Variants in GABRB1 observed in about 807,000 individuals in gnomAD.
The protein encoded by GABRB1 is gamma-aminobutyric acid receptor subunit beta-1.
A neutral mutation model predicts 51.6 loss-of-function variants in GABRB1; 17 were observed. That is an observed-to-expected ratio of 0.33 (90% CI 0.23 to 0.49). GABRB1 has a LOEUF of 0.49. Among genes scored for constraint, GABRB1 ranks in the 20% least tolerant of loss-of-function variants. GABRB1 has a pLI of 0.99. For synonymous variants in GABRB1, 247 were observed against 218.9 expected, an observed-to-expected ratio of 1.13 and a Z score of -1.14; for missense variants, 410 against 600.6, an observed-to-expected ratio of 0.68 and a Z score of 3.32.
chr4:47,349,263 G>T (rs567151061), intron 5 of GABRB1, among the ~76,000 whole-genome samples: 1 of 152,250 alleles, frequency 6.6e-6, no homozygotes, highest in East Asian at 1.9e-4. Context: ...AAGGAAGATG[G>T]CTTGGGAGGT....
chr4:47,250,420 C>A (rs1721942277), intron 4 of GABRB1, among the ~76,000 whole-genome samples: 1 of 152,174 alleles, frequency 6.6e-6, no homozygotes. Flanking sequence ...AACCTGATGA[C>A]AATGTGCCTA....
intron 5 of GABRB1, among the ~76,000 whole-genome samples, chr4:47,371,970 C>T (rs564093435): frequency 2.2e-4 from 34 of 152,144 alleles, no homozygotes; most frequent in South Asian, 1.9e-3. Context: ...TTTTTGTTTT[C>T]GTTGCAATTG....
intron 3 of GABRB1, among the ~76,000 whole-genome samples, chr4:47,107,654 A>G (rs983329998): frequency 6.6e-6 from 1 of 152,100 alleles, no homozygotes; most frequent in South Asian, 2.1e-4. Flanking sequence ...GTTAGTTGAC[A>G]TATATGAACG....
intron 4 of GABRB1, among the ~76,000 whole-genome samples, chr4:47,294,179 G>A (rs568346960): frequency 9.2e-5 from 14 of 152,280 alleles, no homozygotes; most frequent in Admixed American, 2.6e-4. Flanking sequence ...CATGAGCAAC[G>A]CAGAAGACAG....
chr4:47,178,509 G>GCTCC (rs1718798389), intron 4 of GABRB1, among the ~76,000 whole-genome samples: 1 of 152,060 alleles, frequency 6.6e-6, no homozygotes, highest in Non-Finnish European at 1.5e-5. Flanking sequence ...TGGAGCTAAA[G>GCTCC]AAGAATAAAG....
At chr4:47,175,312 C>A (rs1474504853) in intron 4 of GABRB1, among the ~76,000 whole-genome samples, 2 of 152,054 alleles carry the variant, frequency 1.3e-5, no homozygotes, top group Non-Finnish European at 2.9e-5. Context: ...CTGCCTTGGC[C>A]TCCCCAGATG....
intron 3 of GABRB1, among the ~76,000 whole-genome samples, chr4:47,073,221 C>G (rs1057181322): frequency 1.1e-4 from 17 of 152,144 alleles, no homozygotes; most frequent in African/African-American, 3.9e-4. Flanking sequence ...AGAAGGAAAA[C>G]AGCATAGCCC....
intron 4 of GABRB1, among the ~76,000 whole-genome samples, chr4:47,293,416 G>C (rs1460381081): frequency 6.6e-6 from 1 of 152,158 alleles, no homozygotes; most frequent in Non-Finnish European, 1.5e-5. Flanking sequence ...TGGGATTACA[G>C]GCATGAGCCA....
In GABRB1 at chr4:47,387,620, C is replaced by G. The variant is rs16860188; in HGVS notation, c.545-15698C>G. Among the ~76,000 whole-genome samples the G allele has an allele frequency of 3.3e-5, 5 of 152,240 alleles. No homozygotes were observed. In the East Asian group the frequency reaches 9.6e-4, roughly 29 times the overall value. On this transcript the variant is annotated intron_variant, in intron 5 of 8. Coordinates refer to ENST00000295454, the MANE Select transcript of GABRB1 (RefSeq NM_000812.4). Reference sequence around the variant, plus strand: ...AAAAACCATTTGATTGTGGAAAAAGCGAATTTGAACTTGTGCTGCTTTAAT... The same window carrying G: ...AAAAACCATTTGATTGTGGAAAAAGGGAATTTGAACTTGTGCTGCTTTAAT...
At position 47,119,976 on chromosome 4, in the gene GABRB1, C is replaced by T. The variant is rs527871217; in HGVS notation, c.241-41273C>T. On this transcript the variant is annotated intron_variant, in intron 3 of 8. Transcript: ENST00000295454. ...ACTAGTAATTAAGGACATGCGAAAT[C>T]AAAACAATGCAACATTATTAAACAC... 2.0e-4 allele frequency among the ~76,000 whole-genome samples: 30 copies of T among 151,602 alleles called. 1 individual carries two copies. Among genetic ancestry groups the T allele is most frequent in the Middle Eastern group, 3.4e-3 (1 of 294 alleles).
At chr4:47,175,717 A>G (rs1718666650) in intron 4 of GABRB1, among the ~76,000 whole-genome samples, 1 of 152,188 alleles carries the variant, frequency 6.6e-6, no homozygotes. Context: ...GTGCAGTATT[A>G]TGGATAATAC....
At chr4:47,147,633 G>C (rs1230400118) in intron 3 of GABRB1, among the ~76,000 whole-genome samples, 1 of 152,110 alleles carries the variant, frequency 6.6e-6, no homozygotes, top group Non-Finnish European at 1.5e-5. Context: ...CGTCGGAAGG[G>C]CCAAACCCAG....
At chr4:47,052,941 T>G (rs1726420525) in intron 3 of GABRB1, among the ~76,000 whole-genome samples, 1 of 152,086 alleles carries the variant, frequency 6.6e-6, no homozygotes, top group Admixed American at 6.5e-5. Flanking sequence ...AATTAAAATG[T>G]GAGAAAAAAG....
At chr4:47,357,616 G>T (rs1272157734) in intron 5 of GABRB1, among the ~76,000 whole-genome samples, 1 of 152,168 alleles carries the variant, frequency 6.6e-6, no homozygotes, top group African/African-American at 2.4e-5. Flanking sequence ...AGAATGTGCT[G>T]GTACAAGAGA....
At chr4:47,405,975 G>T (rs1282091447) in intron 7 of GABRB1, among the ~76,000 whole-genome samples, 1 of 152,128 alleles carries the variant, frequency 6.6e-6, no homozygotes, top group African/African-American at 2.4e-5. Flanking sequence ...AAATTTTTAA[G>T]AAGTTGTTTT....
At chr4:47,268,932 T>C (rs968107841) in intron 4 of GABRB1, among the ~76,000 whole-genome samples, 4 of 152,188 alleles carry the variant, frequency 2.6e-5, no homozygotes, top group African/African-American at 7.2e-5. Flanking sequence ...TTTGTGAGTA[T>C]AGGAAAACTG....
At chr4:47,342,860 A>G (rs1725953730) in intron 5 of GABRB1, among the ~76,000 whole-genome samples, 1 of 152,182 alleles carries the variant, frequency 6.6e-6, no homozygotes, top group Non-Finnish European at 1.5e-5. Flanking sequence ...CAGGGTATGT[A>G]GAGAAATGGA....
chr4:47,213,283 C>T (rs989986176), intron 4 of GABRB1, among the ~76,000 whole-genome samples: 1 of 152,176 alleles, frequency 6.6e-6, no homozygotes, highest in Non-Finnish European at 1.5e-5. Flanking sequence ...ATTGCTCCAG[C>T]CCAGTGGACA....
rs182938548 is a variant in GABRB1, at chr4:46,995,787, G to T, written c.-20+1861G>T. Among the ~76,000 whole-genome samples the T allele has an allele frequency of 1.4e-3, 206 of 152,264 alleles. 1 individual carries two copies. Among genetic ancestry groups the T allele is most frequent in the Admixed American group, 2.2e-3 (34 of 15,290 alleles). ...AAGAAACCAAAATAATGGCTTTGGGGAAACAGTTACATATCGTATCTTTAA... is the reference window on the plus strand; with the variant it reads ...AAGAAACCAAAATAATGGCTTTGGGTAAACAGTTACATATCGTATCTTTAA... On this transcript the variant is annotated intron_variant, in intron 1 of 3. Coordinates refer to the GABRB1 transcript ENST00000513567.
Sources: allele counts gnomAD v4.1 joint callset (sites outside exome capture counted in the v4.1 genomes callset), GRCh38; gene constraint gnomAD v4.1.1; transcripts MANE v1.5; gene names NCBI Gene and HGNC (gene_info 2026-07-23, HGNC 2026-07-21).